The following MGMT variants were observed in gnomAD, a reference collection of about 807,000 sequenced individuals.
The protein encoded by MGMT is methylated-DNA--protein-cysteine methyltransferase.
MGMT carries 14 observed loss-of-function variants against 15.9 expected under a neutral mutation model. That is an observed-to-expected ratio of 0.88 (90% CI 0.58 to 1.37). The LOEUF (loss-of-function observed/expected upper bound fraction) is 1.37. Ranked by LOEUF, MGMT falls within the 40% of genes most tolerant of loss-of-function variation. The pLI, the probability that MGMT is intolerant of heterozygous loss-of-function variation, is 0.00. For synonymous variants in MGMT, 130 were observed against 118.2 expected, an observed-to-expected ratio of 1.10 and a Z score of -0.65; for missense variants, 282 against 268.1, an observed-to-expected ratio of 1.05 and a Z score of -0.36.
Position 129,692,689 on chromosome 10 carries a change from C to G in MGMT, c.126-15206C>G, listed in dbSNP as rs576871099. On this transcript the variant is annotated intron_variant, in intron 2 of 4. Coordinates refer to ENST00000651593, the MANE Select transcript of MGMT (RefSeq NM_002412.5). ...CGTGGGCCCAGCGTGGCCATGGCAT[C>G]TGGGGCCTCAGCTGCAGGGTTGCAG... is the stretch of plus-strand genomic sequence containing the variant. Among the ~76,000 whole-genome samples the G allele has an allele frequency of 3.9e-5, 6 of 152,292 alleles. No homozygotes were observed. The South Asian group carries it at 8.3e-4, about 21-fold the overall frequency.
In MGMT at chr10:129,734,263, A is replaced by G. The variant is rs940542401; in HGVS notation, c.275-24939A>G. ...AGCAGTGGTTTGTAGTTCTCCTTGA[A>G]GAGGTCCTTCACATCCCTTGTAAGT... is the stretch of plus-strand genomic sequence containing the variant. On this transcript the variant is annotated intron_variant, in intron 3 of 4. Coordinates refer to ENST00000651593, the MANE Select transcript of MGMT (RefSeq NM_002412.5). Among the ~76,000 whole-genome samples, 15 of 139,610 alleles carry G rather than the reference A, an allele frequency of 1.1e-4. 1 individual carries two copies. Among genetic ancestry groups the G allele is most frequent in the African/African-American group, 3.7e-4 (15 of 40,094 alleles). 91.6% of individuals were successfully genotyped at this position (139,610 alleles called of 152,430 possible).
At chr10:129,698,316 A>T (rs1848055861) in intron 2 of MGMT, among the ~76,000 whole-genome samples, 1 of 152,218 alleles carries the variant, frequency 6.6e-6, no homozygotes, top group African/African-American at 2.4e-5. Flanking sequence ...ATGTCCAGGC[A>T]TGCAGTGTTG....
intron 3 of MGMT, among the ~76,000 whole-genome samples, chr10:129,735,207 A>G (rs1216833388): frequency 2.0e-5 from 3 of 152,108 alleles, no homozygotes; most frequent in Non-Finnish European, 4.4e-5. Flanking sequence ...CTTTTTGTTG[A>G]TAAGCTATTG....
At chr10:129,602,791 G>T (rs1589888724) in intron 2 of MGMT, among the ~76,000 whole-genome samples, 1 of 151,906 alleles carries the variant, frequency 6.6e-6, no homozygotes, top group African/African-American at 2.4e-5. Context: ...TACCATGATC[G>T]ATGTAGCTTT....
chr10:129,542,541 G>T (rs895277058), intron 2 of MGMT, among the ~76,000 whole-genome samples: 2 of 152,120 alleles, frequency 1.3e-5, no homozygotes, highest in East Asian at 3.8e-4. Context: ...AAAAAAACGC[G>T]CTCTGTAGGA....
At chr10:129,737,707 G>A (rs1325072724) in intron 3 of MGMT, among the ~76,000 whole-genome samples, 2 of 152,188 alleles carry the variant, frequency 1.3e-5, no homozygotes, top group Admixed American at 1.3e-4. Flanking sequence ...GGTCTTTGAT[G>A]ATGGTGATGT....
intron 1 of MGMT, among the ~76,000 whole-genome samples, chr10:129,512,610 G>A (rs190467319): frequency 1.5e-4 from 23 of 152,316 alleles, no homozygotes; most frequent in African/African-American, 5.1e-4. Context: ...CATGAAGGAA[G>A]TACCATCAAT....
chr10:129,496,561 C>G (rs1436053520), intron 1 of MGMT, among the ~76,000 whole-genome samples: 2 of 152,112 alleles, frequency 1.3e-5, no homozygotes, highest in Non-Finnish European at 2.9e-5. Context: ...TCCATCTGCT[C>G]TAGGTGGCCT....
In MGMT at chr10:129,468,690, GCC is replaced by G. The variant is rs1378569395; in HGVS notation, c.-13+1395_-13+1396del. ...ACCTGAAGTCAGGAGTTTGAGACCA[GCC>G]TGGCCAACATGGTGAAACCCAGTTT... On this transcript the variant is annotated intron_variant, in intron 1 of 4. Coordinates refer to ENST00000651593, the MANE Select transcript of MGMT (RefSeq NM_002412.5). Among the ~76,000 whole-genome samples the G allele has an allele frequency of 7.7e-4, 117 of 152,076 alleles. 1 individual carries two copies. The highest frequency in any genetic ancestry group is 3.8e-4 in the Non-Finnish European group (26 of 68,012).
intron 2 of MGMT, among the ~76,000 whole-genome samples, chr10:129,613,096 C>T (rs928455009): frequency 7.2e-5 from 11 of 152,184 alleles, no homozygotes; most frequent in African/African-American, 2.7e-4. Flanking sequence ...AAGCCATGCT[C>T]CAAGCTGTAT....
chr10:129,724,230 C>G (rs1290457765), intron 3 of MGMT, among the ~76,000 whole-genome samples: 1 of 152,060 alleles, frequency 6.6e-6, no homozygotes, highest in African/African-American at 2.4e-5. Flanking sequence ...TCCACAGACA[C>G]ACACAGCCTC....
In MGMT at chr10:129,527,683, T is replaced by C. The variant is rs1845885579; in HGVS notation, c.-12-8558T>C. Among the ~76,000 whole-genome samples the C allele has an allele frequency of 2.0e-5, 3 of 152,308 alleles. No individual in the cohort carries two copies. In the South Asian group the frequency reaches 6.2e-4, roughly 32 times the overall value. On this transcript the variant is annotated intron_variant, in intron 1 of 4. Transcript: ENST00000651593. ...CACATCGTCACCCTGTCTCTGGTGG[T>C]TGTGGCTGCAGCCTCCCAGACGCCT... is the stretch of plus-strand genomic sequence containing the variant.
chr10:129,565,127 G>A (rs909691023), intron 2 of MGMT, among the ~76,000 whole-genome samples: 7 of 152,232 alleles, frequency 4.6e-5, no homozygotes, highest in Non-Finnish European at 8.8e-5. Flanking sequence ...GCGGGGCCGG[G>A]GTGTGGCAGG....
At chr10:129,523,557 G>A (rs56147956) in intron 1 of MGMT, among the ~76,000 whole-genome samples, 4,796 of 152,282 alleles carry the variant, frequency 0.031, 118 homozygotes, top group South Asian at 0.065. Flanking sequence ...GGGAGGGCCG[G>A]GCTGCCGACG....
At chr10:129,709,856 G>T (rs1848210416) in intron 3 of MGMT, among the ~76,000 whole-genome samples, 1 of 152,202 alleles carries the variant, frequency 6.6e-6, no homozygotes, top group South Asian at 2.1e-4. Flanking sequence ...AGAACCGGAG[G>T]AGGAGGCCTC....
chr10:129,530,413 C>A (rs1182720367), intron 1 of MGMT, among the ~76,000 whole-genome samples: 2 of 152,202 alleles, frequency 1.3e-5, no homozygotes, highest in African/African-American at 4.8e-5. Flanking sequence ...GGTAATTTTT[C>A]TCCCCCCAGG....
intron 2 of MGMT, among the ~76,000 whole-genome samples, chr10:129,625,233 CAAAG>C (rs1847133206): frequency 6.6e-6 from 1 of 152,184 alleles, no homozygotes; most frequent in African/African-American, 2.4e-5. Flanking sequence ...AATCTTCCCT[CAAAG>C]AAAAATCTAG....
At chr10:129,576,298 C>A (rs1846482025) in intron 2 of MGMT, among the ~76,000 whole-genome samples, 1 of 152,132 alleles carries the variant, frequency 6.6e-6, no homozygotes, top group African/African-American at 2.4e-5. Context: ...AAAATACTGG[C>A]AAACCAAATC....
chr10:129,678,095 C>T (rs913917335), intron 2 of MGMT, among the ~76,000 whole-genome samples: 5 of 151,936 alleles, frequency 3.3e-5, no homozygotes, highest in African/African-American at 1.2e-4. Context: ...GAAGGCTGGG[C>T]GTAAAACTGA....
Sources: gnomAD v4.1 joint callset for allele counts (sites outside exome capture counted in the v4.1 genomes callset) on GRCh38, gnomAD v4.1.1 for gene constraint, MANE v1.5 for transcripts, NCBI Gene and HGNC (gene_info 2026-07-23, HGNC 2026-07-21) for gene names.